The following GPR63 variants were observed in gnomAD, a reference collection of about 807,000 sequenced individuals.
The protein encoded by GPR63 is probable G protein-coupled receptor 63.
GPR63 carries 12 observed loss-of-function variants against 23.1 expected under a neutral mutation model. The ratio of observed to expected loss-of-function variants is 0.52; its 90% confidence interval spans 0.33 to 0.84. The LOEUF (loss-of-function observed/expected upper bound fraction) is 0.84, where lower values mean the gene tolerates loss of function less well. Ranked by LOEUF, GPR63 falls within the 40% of genes least tolerant of loss-of-function variation. GPR63 has a pLI of 0.02. For synonymous variants in GPR63, 172 were observed against 191.1 expected, an observed-to-expected ratio of 0.90 and a Z score of 0.82; for missense variants, 472 against 515.6, an observed-to-expected ratio of 0.92 and a Z score of 0.82.
At chr6:96,809,484 T>C (rs545997667) in intron 1 of GPR63, among the ~76,000 whole-genome samples, 5 of 152,286 alleles carry the variant, frequency 3.3e-5, no homozygotes, top group South Asian at 2.1e-4. Context: ...GATATAGATA[T>C]ATGCATGTAT....
Position 96,798,301 on chromosome 6 carries a change from C to T in GPR63, c.*171G>A. The T allele has an allele frequency of 1.6e-6, 1 of 642,312 alleles. No homozygotes were observed. The highest frequency in any genetic ancestry group is 2.5e-6 in the Non-Finnish European group (1 of 394,066). 39.8% of individuals were successfully genotyped at this position (642,312 alleles called of 1,614,324 possible). ...GGAGGTAATATTTGTAATCACTTTC[C>T]TATTATTTATTCTTGGTAACAGAAC... On this transcript the variant is annotated 3_prime_UTR_variant, in exon 2 of 2. Coordinates refer to ENST00000229955, the MANE Select transcript of GPR63 (RefSeq NM_030784.4).
intron 1 of GPR63, among the ~76,000 whole-genome samples, chr6:96,814,471 A>G (rs1228016905): frequency 6.6e-6 from 1 of 152,154 alleles, no homozygotes. Flanking sequence ...CCAAAGACAG[A>G]AGTTATGTTC....
chr6:96,811,989 GTTAA>G (rs1774058127), intron 1 of GPR63, among the ~76,000 whole-genome samples: 1 of 151,510 alleles, frequency 6.6e-6, no homozygotes, highest in Non-Finnish European at 1.5e-5. Context: ...TTTTTTTGTC[GTTAA>G]TTCTCTTATT....
chr6:96,802,811 G>A (rs138703480), intron 1 of GPR63, among the ~76,000 whole-genome samples: 375 of 151,808 alleles, frequency 2.5e-3, no homozygotes, highest in Non-Finnish European at 4.7e-3. Context: ...TGTAGTAACT[G>A]ACTTAAGAAA....
At chr6:96,805,489 T>C (rs1263582170) in intron 1 of GPR63, among the ~76,000 whole-genome samples, 2 of 152,118 alleles carry the variant, frequency 1.3e-5, no homozygotes, top group Admixed American at 6.5e-5. Context: ...AGCCCAACCA[T>C]GTCAGTATCA....
In GPR63 at chr6:96,799,454, A is replaced by C. The variant is rs748531723; in HGVS notation, c.278T>G (p.Phe93Cys). The change falls in exon 2 of 2, where the codon TTT becomes TGT. Residue 93 changes from phenylalanine to cysteine, a missense_variant. Coordinates refer to ENST00000229955, the MANE Select transcript of GPR63 (RefSeq NM_030784.4). ...AACCAAGTTCCCAAGAAAAGACACA[A>C]ACAGAATGAATATCATTATAGCAGA... Reference protein sequence around the residue: ...TLSAIMIFILFVSFLGNLVVC... With the variant: ...TLSAIMIFILCVSFLGNLVVC... 1 of 1,614,130 alleles carries C rather than the reference A, an allele frequency of 6.2e-7. No individual in the cohort carries two copies. Among genetic ancestry groups the C allele is most frequent in the East Asian group, 2.2e-5 (1 of 44,876 alleles).
intron 1 of GPR63, among the ~76,000 whole-genome samples, chr6:96,816,355 G>A (rs1774163620): frequency 6.6e-6 from 1 of 152,092 alleles, no homozygotes. Context: ...CAGCAATTCA[G>A]GAAGCTATTT....
intron 1 of GPR63, among the ~76,000 whole-genome samples, chr6:96,809,092 C>G (rs1480765992): frequency 1.3e-5 from 2 of 151,998 alleles, no homozygotes; most frequent in Non-Finnish European, 2.9e-5. Context: ...TGTATCTCTA[C>G]ACTGAAAATT....
At chr6:96,835,095 T>C (rs1467457980) in intron 1 of GPR63, among the ~76,000 whole-genome samples, 1 of 152,182 alleles carries the variant, frequency 6.6e-6, no homozygotes, top group African/African-American at 2.4e-5. Context: ...TTCAATCCAT[T>C]TGAATAGATA....
intron 1 of GPR63, among the ~76,000 whole-genome samples, chr6:96,802,897 G>C (rs9487194): frequency 0.9 from 137,106 of 152,058 alleles, 61,944 homozygotes; most frequent in East Asian, 1. Context: ...TCCTGTAGAT[G>C]CCCAGAGAAT....
intron 1 of GPR63, among the ~76,000 whole-genome samples, chr6:96,805,915 G>T (rs1473072766): frequency 6.6e-6 from 1 of 152,220 alleles, no homozygotes; most frequent in Admixed American, 6.5e-5. Flanking sequence ...TGCTGTACCA[G>T]ATGTGGTTTT....
Position 96,799,483 on chromosome 6 carries a change from G to C in GPR63, c.249C>G (p.Thr83=). Residue 83 remains threonine, a synonymous_variant, in exon 2 of 2, where the codon ACC becomes ACG. Transcript: ENST00000229955. ...FKSLNLPLQI[T]LSAIMIFILF... The stretch of plus-strand genomic sequence containing the variant: ...GAATGAATATCATTATAGCAGAAAG[G>C]GTGATCTGAAGAGGCAAGTTTAGGC... 1 of 1,614,128 alleles carries C rather than the reference G, an allele frequency of 6.2e-7. No homozygotes were observed. Among genetic ancestry groups the C allele is most frequent in the Non-Finnish European group, 8.5e-7 (1 of 1,180,036 alleles).
chr6:96,820,506 C>T (rs557416412), intron 1 of GPR63, among the ~76,000 whole-genome samples: 2 of 152,236 alleles, frequency 1.3e-5, no homozygotes, highest in South Asian at 4.1e-4. Flanking sequence ...CAATTACTTA[C>T]CTAGTAATCT....
rs1466852941 is a variant in GPR63 at position 96,797,974 on chromosome 6, G to A, written c.*498C>T. The A allele has an allele frequency of 6.5e-6, 1 of 153,486 alleles. No individual in the cohort carries two copies. Among genetic ancestry groups the A allele is most frequent in the Non-Finnish European group, 1.5e-5 (1 of 68,954 alleles). The allele number at this position is 153,486 out of a possible 1,614,324, so 9.5% of individuals were successfully genotyped here. Reference sequence around the variant, plus strand: ...AAAGTGCACCAAAGTAAATAGTAATGACCCTTAAAATGTCGCTAACCTTCC... The same window carrying A: ...AAAGTGCACCAAAGTAAATAGTAATAACCCTTAAAATGTCGCTAACCTTCC... On this transcript the variant is annotated 3_prime_UTR_variant, in exon 2 of 2. Transcript: ENST00000229955.
intron 1 of GPR63, among the ~76,000 whole-genome samples, chr6:96,835,015 TA>T: frequency 6.6e-6 from 1 of 152,328 alleles, no homozygotes; most frequent in South Asian, 2.1e-4. Context: ...ATTGACAAAC[TA>T]AATTTTACCT....
intron 1 of GPR63, among the ~76,000 whole-genome samples, chr6:96,822,209 A>T (rs1238695797): frequency 2.0e-5 from 3 of 152,176 alleles, no homozygotes; most frequent in Admixed American, 6.5e-5. Context: ...ACACAAGGGA[A>T]ACATCACTGA....
intron 1 of GPR63, among the ~76,000 whole-genome samples, chr6:96,817,845 T>C (rs1022315624): frequency 1.3e-5 from 2 of 151,906 alleles, no homozygotes; most frequent in Non-Finnish European, 2.9e-5. Flanking sequence ...GAGTTATGAC[T>C]GGGAAAGGGT....
intron 1 of GPR63, among the ~76,000 whole-genome samples, chr6:96,827,521 C>T (rs1774474596): frequency 6.6e-6 from 1 of 152,072 alleles, no homozygotes; most frequent in Admixed American, 6.5e-5. Flanking sequence ...CTCAATGTAG[C>T]CTATCTAATG....
chr6:96,819,836 C>T (rs58730639), intron 1 of GPR63, among the ~76,000 whole-genome samples: 4,104 of 151,254 alleles, frequency 0.027, 184 homozygotes, highest in African/African-American at 0.093. Flanking sequence ...ATTAGCTAGG[C>T]GTGGTGGCGG....
Sources: gnomAD v4.1 joint callset for allele counts (sites outside exome capture counted in the v4.1 genomes callset) on GRCh38, gnomAD v4.1.1 for gene constraint, MANE v1.5 for transcripts, NCBI Gene and HGNC (gene_info 2026-07-23, HGNC 2026-07-21) for gene names.